ASTN2: variants seen among roughly 807,000 people sequenced by gnomAD.
ASTN2 encodes astrotactin-2.
ASTN2 carries 54 observed loss-of-function variants against 139.8 expected under a neutral mutation model. The ratio of observed to expected loss-of-function variants is 0.39; its 90% CI spans 0.31 to 0.48. The LOEUF is 0.48. Ranked by LOEUF, ASTN2 falls within the 20% of genes least tolerant of loss-of-function variation. ASTN2 has a pLI of 0.95. For missense variants in ASTN2, 1,565 were observed against 1,725.1 expected (o/e 0.91, Z 1.64); for synonymous variants, 756 against 719.5 (o/e 1.05, Z -0.81).
At chr9:116,839,122 A>G (rs7849242) in intron 11 of ASTN2, among the ~76,000 whole-genome samples, 3 of 151,986 alleles carry the variant, frequency 2.0e-5, no homozygotes, top group Admixed American at 6.5e-5. Flanking sequence ...TGCCTCAAAA[A>G]TTATGGTAAA....
intron 16 of ASTN2, chr9:116,697,669 T>C (rs1860933966): frequency 6.3e-7 from 1 of 1,586,446 alleles, no homozygotes; most frequent in African/African-American, 1.3e-5. Context: ...TAGCAGGAAT[T>C]TGACCCTCTA....
At chr9:116,955,881 C>CA (rs796195412) in intron 10 of ASTN2, among the ~76,000 whole-genome samples, 44 of 152,252 alleles carry the variant, frequency 2.9e-4, no homozygotes, top group African/African-American at 9.6e-4. Flanking sequence ...GCCATCTCTG[C>CA]ATGCAGGAGT....
intron 6 of ASTN2, among the ~76,000 whole-genome samples, chr9:117,033,066 T>C (rs1390954839): frequency 1.3e-5 from 2 of 152,204 alleles, no homozygotes; most frequent in Non-Finnish European, 2.9e-5. Flanking sequence ...ATCCCTTGTT[T>C]TCACCCATTT....
At chr9:117,071,866 G>C (rs989523895) in intron 5 of ASTN2, among the ~76,000 whole-genome samples, 8 of 152,052 alleles carry the variant, frequency 5.3e-5, no homozygotes, top group African/African-American at 1.9e-4. Context: ...GCCCTGCTTC[G>C]GCTCGCGCAC....
At chr9:116,990,687 C>A (rs12235592) in intron 7 of ASTN2, among the ~76,000 whole-genome samples, 61,106 of 152,172 alleles carry the variant, frequency 0.4, 14,859 homozygotes, top group South Asian at 0.56. Flanking sequence ...CACTTTCTGG[C>A]AATGATTTAA....
At chr9:116,692,117 T>C (rs1449095647) in intron 16 of ASTN2, among the ~76,000 whole-genome samples, 6 of 152,218 alleles carry the variant, frequency 3.9e-5, no homozygotes, top group Non-Finnish European at 7.3e-5. Flanking sequence ...TCTCCAGTTT[T>C]GCTCATGGCC....
At chr9:116,787,442 A>G (rs982624870) in intron 13 of ASTN2, among the ~76,000 whole-genome samples, 2 of 152,224 alleles carry the variant, frequency 1.3e-5, no homozygotes, top group South Asian at 4.1e-4. Flanking sequence ...TCATCAAGGA[A>G]GACAGTACCC....
At chr9:117,029,897 A>G (rs1418218659) in intron 6 of ASTN2, among the ~76,000 whole-genome samples, 3 of 152,080 alleles carry the variant, frequency 2.0e-5, no homozygotes, top group Non-Finnish European at 1.5e-5. Flanking sequence ...AAAGCTGCAA[A>G]CAGTGAGGAA....
At chr9:117,031,849 G>A (rs1838256494) in intron 6 of ASTN2, among the ~76,000 whole-genome samples, 1 of 152,074 alleles carries the variant, frequency 6.6e-6, no homozygotes, top group Non-Finnish European at 1.5e-5. Context: ...GGATGCAAAG[G>A]CCACAATAAG....
At chr9:116,764,251 C>T (rs1173977186) in intron 13 of ASTN2, among the ~76,000 whole-genome samples, 4 of 152,172 alleles carry the variant, frequency 2.6e-5, no homozygotes, top group East Asian at 1.9e-4. Context: ...GGGACTGCCT[C>T]GGCCTCACCT....
At chr9:117,007,984 A>G in intron 7 of ASTN2, 108 bp downstream of exon 7, 1 of 1,253,194 alleles carries the variant, frequency 8.0e-7, no homozygotes. Context: ...TTATTCAGCC[A>G]CTTGTCAATG....
At chr9:117,174,641 G>A (rs1312993702) in intron 3 of ASTN2, among the ~76,000 whole-genome samples, 2 of 150,706 alleles carry the variant, frequency 1.3e-5, no homozygotes, top group African/African-American at 4.8e-5. Context: ...CGTAAGGATA[G>A]TTTACTAATA....
chr9:116,779,464 T>C (rs1830162555), intron 13 of ASTN2, among the ~76,000 whole-genome samples: 1 of 150,430 alleles, frequency 6.6e-6, no homozygotes, highest in Non-Finnish European at 1.5e-5. Context: ...CATGAAAAAA[T>C]AAATATCTAT....
At chr9:117,198,042 A>G (rs28482222) in intron 3 of ASTN2, among the ~76,000 whole-genome samples, 2,335 of 151,694 alleles carry the variant, frequency 0.015, 75 homozygotes, top group African/African-American at 0.054. Flanking sequence ...AAATGTGCCT[A>G]TGTAGTTTTT....
intron 10 of ASTN2, among the ~76,000 whole-genome samples, chr9:116,865,758 C>G (rs184283687): frequency 6.6e-6 from 1 of 152,158 alleles, no homozygotes; most frequent in African/African-American, 2.4e-5. Flanking sequence ...GTGTGTGGTA[C>G]CTGCAGGCAC....
chr9:117,289,143 A>G (rs557652832), intron 2 of ASTN2, among the ~76,000 whole-genome samples: 19 of 152,272 alleles, frequency 1.2e-4, no homozygotes, highest in Middle Eastern at 6.8e-3. Context: ...CCTGGGGTTC[A>G]GTGTCTCCAA....
chr9:116,491,101 C>T (rs868423023), intron 19 of ASTN2, among the ~76,000 whole-genome samples: 87 of 152,254 alleles, frequency 5.7e-4, no homozygotes, highest in African/African-American at 1.9e-3. Flanking sequence ...AAGGAACTGG[C>T]TCACCTGCAG....
chr9:116,802,434 G>A (rs534968139), intron 13 of ASTN2, among the ~76,000 whole-genome samples: 1 of 152,300 alleles, frequency 6.6e-6, no homozygotes, highest in African/African-American at 2.4e-5. Context: ...GGGAAGATAA[G>A]CACTCCAAGC....
At chr9:116,773,875 A>C (rs150672216) in intron 13 of ASTN2, among the ~76,000 whole-genome samples, 2 of 152,226 alleles carry the variant, frequency 1.3e-5, no homozygotes, top group East Asian at 3.9e-4. Flanking sequence ...CCACCCATGC[A>C]CTTCTAAGGC....
Sources: allele counts gnomAD v4.1 joint callset (sites outside exome capture counted in the v4.1 genomes callset), GRCh38; gene constraint gnomAD v4.1.1; transcripts MANE v1.5; gene names NCBI Gene and HGNC (gene_info 2026-07-23, HGNC 2026-07-21).